CHMP4B: variants seen among roughly 807,000 people sequenced by gnomAD.
The protein encoded by CHMP4B is SNF7 homolog associated with Alix 1.
Under a neutral mutation model 25.1 loss-of-function variants are expected in CHMP4B, and 1 was observed. That is an observed-to-expected ratio of 0.04 (90% CI 0.01 to 0.19). CHMP4B has a LOEUF of 0.19. Ranked by LOEUF, CHMP4B falls within the 10% of genes least tolerant of loss-of-function variation. The pLI is 1.00. For missense variants in CHMP4B, 151 were observed against 289.7 expected (o/e 0.52, Z 3.48); for synonymous variants, 101 against 115.6 (o/e 0.87, Z 0.81).
intron 1 of CHMP4B, among the ~76,000 whole-genome samples, chr20:33,818,891 G>A (rs185286843): frequency 2.6e-4 from 40 of 152,170 alleles, no homozygotes; most frequent in Admixed American, 2.2e-3. Flanking sequence ...ATGTGCTCCT[G>A]TTCACCAGTG....
At chr20:33,828,378 GC>G (rs1354933135) in intron 1 of CHMP4B, among the ~76,000 whole-genome samples, 1 of 152,206 alleles carries the variant, frequency 6.6e-6, no homozygotes, top group Non-Finnish European at 1.5e-5. Flanking sequence ...GGTAAATGTG[GC>G]CAACCCTGCC....
At chr20:33,827,849 TG>T (rs1979136610) in intron 1 of CHMP4B, among the ~76,000 whole-genome samples, 2 of 152,216 alleles carry the variant, frequency 1.3e-5, no homozygotes, top group Admixed American at 6.5e-5. Context: ...ATTTGTCTCC[TG>T]TGTGAGGATC....
At chr20:33,815,657 C>T (rs1201435162) in intron 1 of CHMP4B, among the ~76,000 whole-genome samples, 2 of 152,206 alleles carry the variant, frequency 1.3e-5, no homozygotes, top group Non-Finnish European at 2.9e-5. Context: ...GTCCCCACCA[C>T]CTAGCACAGT....
chr20:33,823,212 T>G (rs1601318357), intron 1 of CHMP4B, among the ~76,000 whole-genome samples: 1 of 152,160 alleles, frequency 6.6e-6, no homozygotes, highest in Non-Finnish European at 1.5e-5. Flanking sequence ...CCATGTACTT[T>G]ACAAACTTGA....
rs76661529 is a variant in CHMP4B, at chr20:33,818,476, C to T, written c.190+6818C>T. On this transcript the variant is annotated intron_variant, in intron 1 of 4. Coordinates refer to ENST00000217402, the MANE Select transcript of CHMP4B (RefSeq NM_176812.5). ...ACAGGATTTATATTAGGTGCCCTAT[C>T]CTCTCACACTATAGCATAGTCTGTC... is the stretch of plus-strand genomic sequence containing the variant. Among the ~76,000 whole-genome samples, 1,267 of 152,334 alleles carry T rather than the reference C, an allele frequency of 8.3e-3. 14 individuals are homozygous for T. Among genetic ancestry groups the T allele is most frequent in the African/African-American group, 0.028 (1,173 of 41,572 alleles).
Position 33,848,649 on chromosome 20 carries a change from G to A in CHMP4B, c.368+5G>A, listed in dbSNP as rs1215567529. 1 of 1,614,026 alleles carries A rather than the reference G, an allele frequency of 6.2e-7. No individual in the cohort carries two copies. The highest frequency in any genetic ancestry group is 2.2e-5 in the East Asian group (1 of 44,888). ...GAAGGCGGCCCATGACAACATGTAC[G>A]TGTCCACCCGCCCCTGCGCCACAGG... On this transcript the variant is annotated splice_donor_5th_base_variant and intron_variant, in intron 2 of 4. Transcript: ENST00000217402.
rs189609222 is a variant in CHMP4B at position 33,828,781 on chromosome 20, G to A, written c.190+17123G>A. 1.4e-4 allele frequency among the ~76,000 whole-genome samples: 21 copies of A among 146,948 alleles called. No individual in the cohort carries two copies. The East Asian group carries it at 2.4e-3, about 17-fold the overall frequency. On this transcript the variant is annotated intron_variant, in intron 1 of 4. Transcript: ENST00000217402. ...TTGTCTTTTTTTTTTTTTCTTTTTC[G>A]TTGAGGTATAACGTATAGTAAGCAG...
chr20:33,824,829 G>A (rs527741509), intron 1 of CHMP4B, among the ~76,000 whole-genome samples: 3 of 145,882 alleles, frequency 2.1e-5, no homozygotes, highest in East Asian at 4.3e-4. Flanking sequence ...ATTGCTGAAT[G>A]TCCCCAAAAG....
intron 1 of CHMP4B, among the ~76,000 whole-genome samples, chr20:33,834,024 C>T (rs759869695): frequency 7.2e-5 from 11 of 152,192 alleles, no homozygotes; most frequent in Non-Finnish European, 1.6e-4. Context: ...GAAGTTGCTT[C>T]ATCTTTTCTA....
chr20:33,835,586 A>G (rs1047159621), intron 1 of CHMP4B, among the ~76,000 whole-genome samples: 2 of 152,228 alleles, frequency 1.3e-5, no homozygotes, highest in East Asian at 1.9e-4. Context: ...CTTTTCATCA[A>G]TGAAGTGTCT....
chr20:33,813,061 T>C (rs912924734), intron 1 of CHMP4B, among the ~76,000 whole-genome samples: 1 of 150,748 alleles, frequency 6.6e-6, no homozygotes, highest in Non-Finnish European at 1.5e-5. Context: ...GTGGGAGGGA[T>C]GCCACTTTGG....
intron 1 of CHMP4B, among the ~76,000 whole-genome samples, chr20:33,843,206 G>C (rs1979592209): frequency 1.3e-5 from 2 of 152,178 alleles, no homozygotes; most frequent in Non-Finnish European, 2.9e-5. Context: ...GGAGACCAAT[G>C]TTTATTTCAA....
intron 1 of CHMP4B, among the ~76,000 whole-genome samples, chr20:33,816,729 A>G (rs192363792): frequency 2.3e-4 from 35 of 152,346 alleles, no homozygotes; most frequent in Admixed American, 5.2e-4. Flanking sequence ...GTTTTAGTAA[A>G]GATGAAAACA....
intron 1 of CHMP4B, among the ~76,000 whole-genome samples, chr20:33,823,244 A>G (rs1978996624): frequency 6.6e-6 from 1 of 151,942 alleles, no homozygotes; most frequent in Admixed American, 6.6e-5. Flanking sequence ...CTTTTCAGCA[A>G]CTCCATGTGT....
At chr20:33,842,526 G>A (rs975379847) in intron 1 of CHMP4B, among the ~76,000 whole-genome samples, 9 of 152,324 alleles carry the variant, frequency 5.9e-5, no homozygotes, top group South Asian at 4.1e-4. Flanking sequence ...GCAAAGTGGG[G>A]CCCCCTCAGC....
At chr20:33,850,590 T>C (rs965891427) in intron 2 of CHMP4B, among the ~76,000 whole-genome samples, 4 of 152,196 alleles carry the variant, frequency 2.6e-5, no homozygotes, top group Non-Finnish European at 5.9e-5. Flanking sequence ...GATTTGTGCT[T>C]TTACTTCCCC....
chr20:33,817,070 T>C (rs1978801844), intron 1 of CHMP4B, among the ~76,000 whole-genome samples: 1 of 152,246 alleles, frequency 6.6e-6, no homozygotes, highest in Non-Finnish European at 1.5e-5. Flanking sequence ...TCTTTGGTTC[T>C]CTGGAATCAA....
intron 1 of CHMP4B, among the ~76,000 whole-genome samples, chr20:33,836,830 A>G (rs781774311): frequency 1.3e-5 from 2 of 152,196 alleles, no homozygotes; most frequent in Non-Finnish European, 2.9e-5. Context: ...GTAGGGTTCA[A>G]CTTGGATCAC....
chr20:33,833,362 A>G (rs1019047678), intron 1 of CHMP4B, among the ~76,000 whole-genome samples: 4 of 152,154 alleles, frequency 2.6e-5, no homozygotes, highest in African/African-American at 9.7e-5. Flanking sequence ...CTTCTGTTGT[A>G]CATTCAAACA....
Sources: allele counts gnomAD v4.1 joint callset (sites outside exome capture counted in the v4.1 genomes callset), GRCh38; gene constraint gnomAD v4.1.1; transcripts MANE v1.5; gene names NCBI Gene and HGNC (gene_info 2026-07-23, HGNC 2026-07-21).